Variants in PIGN observed in about 807,000 individuals in gnomAD.
PIGN encodes the protein GPI ethanolamine phosphate transferase 1.
PIGN carries 117 observed loss-of-function variants against 125.4 expected under a neutral mutation model. That is an observed-to-expected ratio of 0.93 (90% confidence interval 0.80 to 1.09). The LOEUF (loss-of-function observed/expected upper bound fraction) is 1.09, where lower values mean the gene tolerates loss of function less well. Ranked by LOEUF, PIGN falls within the 50% of genes least tolerant of loss-of-function variation. The probability of loss-of-function intolerance (pLI) is 0.00; values close to 1 mark genes in which losing one functional copy is unlikely to be tolerated. For missense variants in PIGN, 1,075 were observed against 1,094.9 expected, an observed-to-expected ratio of 0.98 and a Z score of 0.26; for synonymous variants, 392 against 377.8, an observed-to-expected ratio of 1.04 and a Z score of -0.44.
intron 23 of PIGN, among the ~76,000 whole-genome samples, chr18:62,093,927 T>G (rs188287820): frequency 4.1e-4 from 63 of 152,230 alleles, no homozygotes; most frequent in African/African-American, 1.4e-3. Flanking sequence ...TTTTAATTTT[T>G]TTTGGCAAAG....
intron 30 of PIGN, chr18:62,059,169 C>T (rs138135054): frequency 1.3e-5 from 1 of 77,972 alleles, no homozygotes; most frequent in African/African-American, 5.0e-5. Flanking sequence ...GAGACCCTGT[C>T]TCAAAAAAAA....
rs535827706 is a variant in PIGN, at chr18:62,174,085, G to A, written c.-235-10429C>T. ...AAAAATTAGCTGGGCATGGTGGCGG[G>A]CACCTGTAATCCCAGCTACTCAGGA... On this transcript the variant is annotated intron_variant, in intron 1 of 30. Transcript: ENST00000640252. Among the ~76,000 whole-genome samples, 12 of 152,034 alleles carry A rather than the reference G, an allele frequency of 7.9e-5. No individual in the cohort carries two copies. The South Asian group carries it at 2.5e-3, about 32-fold the overall frequency.
chr18:62,126,754 G>A (rs1009915364), intron 14 of PIGN, among the ~76,000 whole-genome samples: 1 of 152,070 alleles, frequency 6.6e-6, no homozygotes, highest in African/African-American at 2.4e-5. Context: ...TCCTGCTCCT[G>A]AGCTTTAGAT....
chr18:62,127,301 T>C (rs1165943611), intron 14 of PIGN, among the ~76,000 whole-genome samples: 9 of 152,222 alleles, frequency 5.9e-5, no homozygotes, highest in Non-Finnish European at 1.3e-4. Flanking sequence ...CTATCTTAAA[T>C]GTACTCAGAA....
intron 7 of PIGN, among the ~76,000 whole-genome samples, chr18:62,150,496 T>A (rs551338783): frequency 2.0e-5 from 3 of 151,550 alleles, no homozygotes; most frequent in African/African-American, 2.4e-5. Context: ...ATGCATGAAC[T>A]GAGTTTTTTA....
chr18:62,135,503 G>A (rs1162043721), intron 14 of PIGN: 1 of 151,994 alleles, frequency 6.6e-6, no homozygotes, highest in Non-Finnish European at 1.5e-5. Context: ...AATAGGGGAA[G>A]TCTATGATCA....
At chr18:62,020,373 A>G (rs1233595838) in intron 23 of PIGN, among the ~76,000 whole-genome samples, 2 of 152,230 alleles carry the variant, frequency 1.3e-5, no homozygotes, top group Middle Eastern at 3.2e-3. Context: ...TTCATAATTT[A>G]TAGCATACAA....
intron 30 of PIGN, among the ~76,000 whole-genome samples, chr18:62,061,732 T>C (rs1273272282): frequency 6.6e-6 from 1 of 152,194 alleles, no homozygotes; most frequent in Admixed American, 6.5e-5. Flanking sequence ...GGTCAGTTTA[T>C]AATATCAGCG....
At chr18:62,064,090 AAAAG>A (rs1292958361) in intron 30 of PIGN, among the ~76,000 whole-genome samples, 2 of 152,216 alleles carry the variant, frequency 1.3e-5, no homozygotes, top group African/African-American at 4.8e-5. Flanking sequence ...AACAAACAAA[AAAAG>A]AAATTACACC....
intron 14 of PIGN, among the ~76,000 whole-genome samples, chr18:62,125,141 CAT>C (rs1392418558): frequency 2.7e-4 from 13 of 47,796 alleles, no homozygotes; most frequent in South Asian, 2.6e-3. Context: ...CACGTTTGTA[CAT>C]ATGTGTATAT....
intron 6 of PIGN, 125 bp from the exon 7 acceptor site, chr18:62,154,776 ATGGGG>A: frequency 3.2e-6 from 2 of 629,692 alleles, no homozygotes; most frequent in Non-Finnish European, 5.6e-6. Context: ...GTTCATTATG[ATGGGG>A]AAGAGAAAAA....
chr18:62,091,118 A>T (rs1394572753), intron 23 of PIGN, among the ~76,000 whole-genome samples: 1 of 152,088 alleles, frequency 6.6e-6, no homozygotes, highest in Non-Finnish European at 1.5e-5. Flanking sequence ...GGCAGGCCGG[A>T]GCAGGCAGAT....
At chr18:62,143,749 TTC>T (rs1372600028) in intron 10 of PIGN, among the ~76,000 whole-genome samples, 1 of 152,206 alleles carries the variant, frequency 6.6e-6, no homozygotes, top group Non-Finnish European at 1.5e-5. Flanking sequence ...GCTTCTCTTT[TTC>T]TCTGTGATGG....
At chr18:62,065,365 TG>T (rs1191274844) in intron 30 of PIGN, among the ~76,000 whole-genome samples, 1 of 152,144 alleles carries the variant, frequency 6.6e-6, no homozygotes, top group Admixed American at 6.5e-5. Context: ...CTCAACAGAA[TG>T]GAACCCATGA....
At position 62,157,112 on chromosome 18, in the gene PIGN, T is replaced by A. The variant is rs1394167762; in HGVS notation, c.442+17A>T. 1.4e-6 allele frequency: 2 copies of A among 1,381,806 alleles called. No homozygotes were observed. The highest frequency in any genetic ancestry group is 2.0e-6 in the Non-Finnish European group (2 of 982,876). The allele number at this position is 1,381,806 out of a possible 1,614,324, so 85.6% of individuals were successfully genotyped here. Reference sequence around the variant, plus strand: ...TCCCTATTTACTATCTGAGGAAACATAATCAGTGACTCTTACCTTTGGCAA... The same window carrying A: ...TCCCTATTTACTATCTGAGGAAACAAAATCAGTGACTCTTACCTTTGGCAA... On this transcript the variant is annotated intron_variant, in intron 6 of 30. Coordinates refer to ENST00000640252, the MANE Select transcript of PIGN (RefSeq NM_176787.5).
At chr18:62,148,398 C>T in intron 7 of PIGN, 60 bp from the exon 8 acceptor site, 2 of 1,141,498 alleles carry the variant, frequency 1.8e-6, no homozygotes, top group Non-Finnish European at 2.4e-6. Context: ...AAAAATAATA[C>T]TGATGAAAAC....
chr18:62,065,954 G>A lies in PIGN; in HGVS notation c.2672+6719C>T, dbSNP rs146804794. 1.6e-3 allele frequency among the ~76,000 whole-genome samples: 240 copies of A among 152,218 alleles called. 1 individual carries two copies. The highest frequency in any genetic ancestry group is 5.4e-3 in the African/African-American group (224 of 41,508). On this transcript the variant is annotated intron_variant, in intron 30 of 30. Transcript: ENST00000640252. ...AATTTCTGTTCAGGGGCCTGCTTCT[G>A]GGTATCTCGTTTCATCACTACTTCC...
chr18:62,148,315 G>C lies in PIGN; in HGVS notation c.573C>G (p.Asn191Lys), dbSNP rs182287094. 6.6e-7 allele frequency: 1 copy of C among 1,521,008 alleles called. No homozygotes were observed. The highest frequency in any genetic ancestry group is 8.8e-7 in the Non-Finnish European group (1 of 1,130,566). The allele number at this position is 1,521,008 out of a possible 1,614,324, so 94.2% of individuals were successfully genotyped here. The change falls in exon 8 of 31, where the codon AAC (asparagine) becomes AAG (lysine). Residue 191 changes from asparagine to lysine, a missense_variant. Physicochemically the swap from Asn to Lys is moderately conservative, Grantham distance 94. Coordinates refer to ENST00000640252, the MANE Select transcript of PIGN (RefSeq NM_176787.5). ...NVKDFFHHAR[N>K]NQSLFSKINE... is the part of the protein sequence containing the mutation. The stretch of plus-strand genomic sequence containing the variant: ...TTATTTTAGAAAACAAAGACTGGTT[G>C]TTTCTGGCATGATGAAAGAAGTCCT...
rs557292257 is a variant in PIGN at position 62,141,717 on chromosome 18, C to T, written c.964-1238G>A. ...TTCTTTCACACACAAAAAACCACAT[C>T]GTGTCACTCTCTAGGCTTCAAACTC... On this transcript the variant is annotated intron_variant, in intron 11 of 30. Transcript: ENST00000640252. 3.9e-5 allele frequency among the ~76,000 whole-genome samples: 6 copies of T among 152,298 alleles called. No homozygotes were observed. In the East Asian group the frequency reaches 9.6e-4, roughly 24 times the overall value.
Sources: gnomAD v4.1 joint callset for allele counts (sites outside exome capture counted in the v4.1 genomes callset) on GRCh38, gnomAD v4.1.1 for gene constraint, MANE v1.5 for transcripts, NCBI Gene and HGNC (gene_info 2026-07-23, HGNC 2026-07-21) for gene names.